The following FRMPD4 variants were observed in gnomAD, a reference collection of about 807,000 sequenced individuals.
FRMPD4 encodes the protein FERM and PDZ domain-containing protein 4.
A neutral mutation model predicts 94.1 loss-of-function variants in FRMPD4; 22 were observed. The ratio of observed to expected loss-of-function variants is 0.23; its 90% CI spans 0.17 to 0.33. The LOEUF is 0.33. Among genes scored for constraint, FRMPD4 ranks in the 10% least tolerant of loss-of-function variants. The probability of loss-of-function intolerance (pLI) is 1.00; values close to 1 mark genes in which losing one functional copy is unlikely to be tolerated. For synonymous variants in FRMPD4, 631 were observed against 548.6 expected, an observed-to-expected ratio of 1.15 and a Z score of -2.10; for missense variants, 1,111 against 1,339.9, an observed-to-expected ratio of 0.83 and a Z score of 2.67.
intron 1 of FRMPD4, among the ~76,000 whole-genome samples, chrX:12,245,512 C>CTTTT (rs566550884): frequency 1.6e-4 from 11 of 67,527 alleles, no homozygotes; most frequent in Admixed American, 4.2e-4. Context: ...CTTATGTCCT[C>CTTTT]TTTTTTTTTT....
chrX:12,056,930 T>C (rs985519096), intron 3 of FRMPD4, among the ~76,000 whole-genome samples: 29 of 112,183 alleles, frequency 2.6e-4, no homozygotes, highest in African/African-American at 9.4e-4. Flanking sequence ...CAAAATATAG[T>C]CTGCTTTAAA....
At chrX:11,869,236 G>A (rs763394842) in intron 2 of FRMPD4, among the ~76,000 whole-genome samples, 3 of 111,792 alleles carry the variant, frequency 2.7e-5, no homozygotes, top group Non-Finnish European at 3.8e-5. Context: ...TAAGACATAC[G>A]GCATATTCCA....
chrX:12,696,586 C>CAAAAAAAAAAAAAAAA (rs57877846), intron 9 of FRMPD4, among the ~76,000 whole-genome samples: 9 of 30,061 alleles, frequency 3.0e-4, no homozygotes, highest in Non-Finnish European at 4.6e-4. Flanking sequence ...AAAAATGAAG[C>CAAAAAAAAAAAAAAAA]AAAAAAAAAA....
At chrX:12,379,763 A>C (rs1471651234) in intron 1 of FRMPD4, among the ~76,000 whole-genome samples, 3 of 110,001 alleles carry the variant, frequency 2.7e-5, no homozygotes, top group African/African-American at 9.9e-5. Context: ...GCAAAACAGA[A>C]TAAAGCATTC....
chrX:11,928,611 T>C (rs1048653091), intron 3 of FRMPD4, among the ~76,000 whole-genome samples: 3 of 111,967 alleles, frequency 2.7e-5, no homozygotes, highest in Non-Finnish European at 5.6e-5. Flanking sequence ...AAAAAAATAA[T>C]AGATACTTGT....
intron 2 of FRMPD4, among the ~76,000 whole-genome samples, chrX:12,562,692 C>G (rs1268332254): frequency 5.3e-5 from 6 of 112,804 alleles, no homozygotes; most frequent in African/African-American, 1.9e-4. Flanking sequence ...TGCTGAGACC[C>G]AGAGCGCTTT....
chrX:12,540,211 A>C (rs1200891668), intron 2 of FRMPD4, among the ~76,000 whole-genome samples: 1 of 111,804 alleles, frequency 8.9e-6, no homozygotes, highest in Non-Finnish European at 1.9e-5. Context: ...CTAACATCAT[A>C]ATGACAGCAT....
intron 1 of FRMPD4, among the ~76,000 whole-genome samples, chrX:12,146,057 G>T (rs1266552636): frequency 9.0e-6 from 1 of 111,386 alleles, no homozygotes; most frequent in Non-Finnish European, 1.9e-5. Context: ...GATTCACTTG[G>T]TTCCTTTGAG....
intron 1 of FRMPD4, among the ~76,000 whole-genome samples, chrX:12,465,290 T>C (rs1247718490): frequency 8.9e-6 from 1 of 112,028 alleles, no homozygotes; most frequent in Non-Finnish European, 1.9e-5. Context: ...AGAATCTCCA[T>C]GATAAAATGT....
At chrX:12,683,041 A>G in intron 5 of FRMPD4, among the ~76,000 whole-genome samples, 1 of 111,875 alleles carries the variant, frequency 8.9e-6, no homozygotes, top group Non-Finnish European at 1.9e-5. Flanking sequence ...TGTGAATAAC[A>G]ATAGGATTAT....
chrX:12,443,697 T>C (rs2057163622), intron 1 of FRMPD4, among the ~76,000 whole-genome samples: 1 of 111,934 alleles, frequency 8.9e-6, no homozygotes, highest in African/African-American at 3.2e-5. Flanking sequence ...CATGGTTTCA[T>C]TGGGTTGTGA....
At chrX:12,196,817 A>G (rs1835042852) in intron 1 of FRMPD4, among the ~76,000 whole-genome samples, 1 of 110,250 alleles carries the variant, frequency 9.1e-6, no homozygotes, top group Admixed American at 9.7e-5. Context: ...CAGAGCCTTG[A>G]ACAGAAAATC....
At chrX:12,350,898 G>A (rs759773951) in intron 1 of FRMPD4, among the ~76,000 whole-genome samples, 16 of 112,541 alleles carry the variant, frequency 1.4e-4, no homozygotes, top group African/African-American at 4.5e-4. Flanking sequence ...ATTATTGGCC[G>A]GGCACAGTGG....
chrX:11,858,137 A>G, intron 1 of FRMPD4, among the ~76,000 whole-genome samples: 1 of 111,980 alleles, frequency 8.9e-6, no homozygotes. Flanking sequence ...TGTGGAAGAC[A>G]GTGTGGTGAT....
intron 2 of FRMPD4, among the ~76,000 whole-genome samples, chrX:12,585,886 C>A (rs1046149525): frequency 1.8e-5 from 2 of 112,328 alleles, no homozygotes; most frequent in Non-Finnish European, 3.8e-5. Context: ...TGAACTACAG[C>A]TATGTCTGCT....
intron 3 of FRMPD4, among the ~76,000 whole-genome samples, chrX:12,081,801 T>C (rs1438065854): frequency 1.8e-5 from 2 of 111,882 alleles, no homozygotes; most frequent in African/African-American, 6.5e-5. Flanking sequence ...TTCTCTGCTC[T>C]GTATGAAATG....
At chrX:12,178,916 C>T (rs1282372307) in intron 1 of FRMPD4, among the ~76,000 whole-genome samples, 2 of 111,651 alleles carry the variant, frequency 1.8e-5, no homozygotes, top group Non-Finnish European at 3.8e-5. Flanking sequence ...TCCATTGTCT[C>T]CTGTTGCACA....
rs1178348008 is a variant in FRMPD4, at chrX:12,717,843, C to T, written c.3017C>T (p.Ser1006Leu). ...GAGCCTGAAACTATGGAGACTAAGT[C>T]GGTCACTGACTATTTTAGCAAACTG... is the stretch of plus-strand genomic sequence containing the variant. ...EMEPETMETK[S>L]VTDYFSKLHM... Residue 1006 changes from serine (S) to leucine (L), a missense_variant, in exon 16 of 17, where the codon TCG becomes TTG. By Grantham distance (145) the Ser-to-Leu change is moderately radical. This residue lies in a region of FRMPD4 where 551 missense variants were observed against 591.6 expected (regional missense o/e 0.93). Transcript: ENST00000675598. The T allele has an allele frequency of 3.3e-6, 4 of 1,209,810 alleles. No homozygotes were observed. Among genetic ancestry groups the T allele is most frequent in the Non-Finnish European group, 4.5e-6 (4 of 893,472 alleles).
intron 1 of FRMPD4, among the ~76,000 whole-genome samples, chrX:12,447,338 G>A (rs1048056383): frequency 1.8e-5 from 2 of 111,568 alleles, no homozygotes; most frequent in African/African-American, 6.6e-5. Flanking sequence ...TCACCCCCCA[G>A]TTGTGACAAC....
Sources: allele counts gnomAD v4.1 joint callset (sites outside exome capture counted in the v4.1 genomes callset), GRCh38; gene constraint gnomAD v4.1.1; regional missense constraint gnomAD v4.1.1; transcripts MANE v1.5; gene names NCBI Gene and HGNC (gene_info 2026-07-23, HGNC 2026-07-21).